CRYBG2: variants seen among roughly 807,000 people sequenced by gnomAD.
CRYBG2 encodes beta/gamma crystallin domain-containing protein 2.
A neutral mutation model predicts 153.4 loss-of-function variants in CRYBG2; 106 were observed. The ratio of observed to expected loss-of-function variants is 0.69; its 90% CI spans 0.59 to 0.81. The LOEUF (loss-of-function observed/expected upper bound fraction) is 0.81. Ranked by LOEUF, CRYBG2 falls within the 30% of genes least tolerant of loss-of-function variation. CRYBG2 has a pLI of 0.00. For synonymous variants in CRYBG2, 851 were observed against 877.8 expected, an observed-to-expected ratio of 0.97 and a Z score of 0.54; for missense variants, 1,996 against 2,112.0, an observed-to-expected ratio of 0.95 and a Z score of 1.08.
chr1:26,351,959 A>C (rs1262565853), intron 1 of CRYBG2, among the ~76,000 whole-genome samples: 1 of 151,994 alleles, frequency 6.6e-6, no homozygotes, highest in Non-Finnish European at 1.5e-5. Context: ...TTTCTTCTGC[A>C]GGGCCCCAGA....
intron 8 of CRYBG2, 114 bp downstream of exon 8, chr1:26,337,898 G>T: frequency 7.1e-7 from 1 of 1,413,546 alleles, no homozygotes; most frequent in Non-Finnish European, 9.6e-7. Flanking sequence ...CCCCCAGACC[G>T]TGCTTCTGGC....
chr1:26,347,093 T>C (rs1340528735), intron 1 of CRYBG2, among the ~76,000 whole-genome samples: 3 of 152,030 alleles, frequency 2.0e-5, no homozygotes, highest in Non-Finnish European at 4.4e-5. Flanking sequence ...AGCTGAAAAC[T>C]AGAAAGCCGA....
At position 26,338,416 on chromosome 1, in the gene CRYBG2, A is replaced by C. The variant is rs151324745; in HGVS notation, c.3406T>G (p.Tyr1136Asp). The change falls in exon 7 of 20, where the codon TAC (tyrosine) becomes GAC (aspartate). Residue 1136 changes from tyrosine (Y) to aspartate (D), a missense_variant. Physicochemically the swap from Tyr to Asp is radical, Grantham distance 160 (BLOSUM62 -3). Coordinates refer to ENST00000308182, the MANE Select transcript of CRYBG2 (RefSeq NM_001039775.4). ...GTGCCCCAGGCCTCTGAGGTGGGGT[A>C]CTCTCCAGGTTCCAGGATGTAGGGA... ...DTPYILEPGE[Y>D]PTSEAWGTSD... 1,222 of 1,613,340 alleles carry C rather than the reference A, an allele frequency of 7.6e-4. 16 individuals carry two copies. In the East Asian group the frequency reaches 0.017, roughly 22 times the overall value.
chr1:26,338,577 C>T lies in CRYBG2; in HGVS notation c.3345-100G>A, dbSNP rs140916157. ...GGTTTAGAGTGGAAAAGGAGGTTTTCTGGGGAGGTTCCCATCAGTCTCGTA... is the reference window on the plus strand; with the variant it reads ...GGTTTAGAGTGGAAAAGGAGGTTTTTTGGGGAGGTTCCCATCAGTCTCGTA... On this transcript the variant is annotated intron_variant, in intron 6 of 19. Transcript: ENST00000308182. 225 of 1,338,464 alleles carry T rather than the reference C, an allele frequency of 1.7e-4. No homozygotes were observed. In the African/African-American group the frequency reaches 2.9e-3, roughly 18 times the overall value. 82.9% of individuals were successfully genotyped at this position (1,338,464 alleles called of 1,614,324 possible).
intron 14 of CRYBG2, among the ~76,000 whole-genome samples, chr1:26,335,067 C>T (rs994763403): frequency 5.9e-5 from 9 of 151,960 alleles, no homozygotes; most frequent in Admixed American, 2.0e-4. Context: ...CTACCATTTG[C>T]CACTAAAAAG....
In CRYBG2 at chr1:26,336,678, C is replaced by A. The variant is rs1489165609; in HGVS notation, c.3966G>T (p.Lys1322Asn). ...GFSGEQYVLE[K>N]GVYRNCEDWG... ...AGTCCTCGCAGTTACGATACACGCC[C>A]TTCTCCAGCACGTACTGTTCCCCGG... The change falls in exon 12 of 20, where the codon AAG (lysine) becomes AAT (asparagine). Residue 1322 changes from lysine (K) to asparagine (N), a missense_variant. Transcript: ENST00000308182. This position sits in a 1 kb window ranked among gnomAD's most constrained non-coding sequence, Gnocchi z 4.9. The A allele has an allele frequency of 9.0e-6, 14 of 1,561,572 alleles. No homozygotes were observed. Among genetic ancestry groups the A allele is most frequent in the Non-Finnish European group, 1.2e-5 (14 of 1,152,606 alleles).
At chr1:26,353,809 T>C (rs1205304060) in intron 1 of CRYBG2, among the ~76,000 whole-genome samples, 4 of 152,132 alleles carry the variant, frequency 2.6e-5, no homozygotes, top group Non-Finnish European at 5.9e-5. Flanking sequence ...TGACAGACTT[T>C]CCCCTTTCTC....
At chr1:26,350,681 C>G (rs1204735910) in intron 1 of CRYBG2, among the ~76,000 whole-genome samples, 1 of 152,114 alleles carries the variant, frequency 6.6e-6, no homozygotes, top group African/African-American at 2.4e-5. Flanking sequence ...TACAGGGAGC[C>G]ATGTCAGTCC....
Position 26,345,040 on chromosome 1 carries a change from C to T in CRYBG2, c.1618G>A (p.Ala540Thr), listed in dbSNP as rs1326082331. The change falls in exon 2 of 20, where the codon GCC becomes ACC. Residue 540 changes from alanine to threonine, a missense_variant. Physicochemically the swap from Ala to Thr is moderately conservative, Grantham distance 58. Transcript: ENST00000308182. The stretch of plus-strand genomic sequence containing the variant: ...ACCTCTTTCCAGGTGGGAAATGAGG[C>T]ATCAGGAGCACCGGGGCCCTTCACG... ...EVVKGPGAPD[A>T]SFPTWKEVVK... 2 of 492,074 alleles carry T rather than the reference C, an allele frequency of 4.1e-6. No homozygotes were observed. Among genetic ancestry groups the T allele is most frequent in the African/African-American group, 7.4e-5 (2 of 27,030 alleles). 30.5% of individuals were successfully genotyped at this position (492,074 alleles called of 1,614,324 possible).
At chr1:26,333,120 G>C (rs1461372327) in intron 14 of CRYBG2, among the ~76,000 whole-genome samples, 1 of 146,234 alleles carries the variant, frequency 6.8e-6, no homozygotes, top group Non-Finnish European at 1.5e-5. Context: ...CTTTGGAACT[G>C]TTATAGGCTG....
At chr1:26,334,543 A>C (rs773982839) in intron 14 of CRYBG2, among the ~76,000 whole-genome samples, 3 of 152,262 alleles carry the variant, frequency 2.0e-5, no homozygotes, top group Non-Finnish European at 1.5e-5. Flanking sequence ...CCACACACAC[A>C]AAAGTATTAT....
In CRYBG2 at chr1:26,346,781, A is replaced by C. The variant is rs1570212526; in HGVS notation, c.-55-69T>G. On this transcript the variant is annotated intron_variant, in intron 1 of 19. Transcript: ENST00000308182. This position sits in a 1 kb window ranked among gnomAD's most constrained non-coding sequence, Gnocchi z 4.9. ...TGGCTTCCTAAAGTGCAGAATAACC[A>C]CCCCTACCCAAGTCAGGCTGGGAAC... 1 of 1,042,826 alleles carries C rather than the reference A, an allele frequency of 9.6e-7. No individual in the cohort carries two copies. The allele number at this position is 1,042,826 out of a possible 1,614,324, so 64.6% of individuals were successfully genotyped here. A position where few individuals can be genotyped will look rare whatever the true frequency, so the allele number is the denominator to read the frequency against.
At chr1:26,330,971 C>T (rs753762498) in intron 15 of CRYBG2, among the ~76,000 whole-genome samples, 2 of 152,204 alleles carry the variant, frequency 1.3e-5, no homozygotes, top group South Asian at 2.1e-4. Context: ...ATTGTGGCCC[C>T]GTCACTTCCA....
chr1:26,328,330 C>G lies in CRYBG2; in HGVS notation c.4457G>C (p.Trp1486Ser). Residue 1486 changes from tryptophan to serine, a missense_variant and splice_region_variant, in exon 17 of 20, where the codon TGG (tryptophan) becomes TCG (serine). Physicochemically the swap from Trp to Ser is radical, Grantham distance 177. Transcript: ENST00000308182. The part of the protein sequence containing the change: ...VLSVRIKGGI[W>S]VLCEHSDFRG... The stretch of plus-strand genomic sequence containing the variant: ...GAAGTCACTGTGTTCACATAGCACC[C>G]AACTGGGCCCAGCAGGTGTCAGGGA... 2 of 1,568,704 alleles carry G rather than the reference C, an allele frequency of 1.3e-6. No individual in the cohort carries two copies. The highest frequency in any genetic ancestry group is 2.3e-5 in the South Asian group (2 of 85,730).
chr1:26,349,443 G>A lies in CRYBG2; in HGVS notation c.-55-2731C>T, dbSNP rs541283120. 3.3e-5 allele frequency among the ~76,000 whole-genome samples: 5 copies of A among 152,252 alleles called. No homozygotes were observed. The East Asian group carries it at 7.7e-4, about 24-fold the overall frequency. ...CCACAGCTCTGGGGCATGTCCAGCT[G>A]CTCCTGTGATCATCCTCAGCAGAGC... On this transcript the variant is annotated intron_variant, in intron 1 of 19. Coordinates refer to ENST00000308182, the MANE Select transcript of CRYBG2 (RefSeq NM_001039775.4).
chr1:26,345,774 C>T lies in CRYBG2; in HGVS notation c.884G>A (p.Gly295Asp), dbSNP rs201302371. 2 of 1,596,926 alleles carry T rather than the reference C, an allele frequency of 1.3e-6. No homozygotes were observed. The highest frequency in any genetic ancestry group is 1.7e-6 in the Non-Finnish European group (2 of 1,179,162). Residue 295 changes from glycine (G) to aspartate (D), a missense_variant, in exon 2 of 20, where the codon GGC becomes GAC. Transcript: ENST00000308182. ...AGGCAGGTGAGCACTGGCTGGGATG[C>T]CTGTAGAGGCCAGGGCAGAGCTGTC... ...LKDSSALASTGIPASAHLPKN... is the reference protein window; with the variant it reads ...LKDSSALASTDIPASAHLPKN...
At chr1:26,342,996 G>C (rs2074150757) in intron 4 of CRYBG2, 51 bp downstream of exon 4, 1 of 1,535,574 alleles carries the variant, frequency 6.5e-7, no homozygotes, top group Non-Finnish European at 8.8e-7. Flanking sequence ...ACTCCCCTCT[G>C]CATCCCCCCA....
chr1:26,350,296 A>C (rs1442318544), intron 1 of CRYBG2, among the ~76,000 whole-genome samples: 1 of 152,146 alleles, frequency 6.6e-6, no homozygotes. Context: ...AACAGAAAAT[A>C]GACTAAGCTC....
intron 17 of CRYBG2, among the ~76,000 whole-genome samples, chr1:26,327,987 T>G (rs555267469): frequency 1.3e-5 from 2 of 152,158 alleles, no homozygotes; most frequent in South Asian, 4.1e-4. Context: ...AAAAAGCTTT[T>G]TTTAAGAAAT....
Sources: allele counts gnomAD v4.1 joint callset (sites outside exome capture counted in the v4.1 genomes callset), GRCh38; gene constraint gnomAD v4.1.1; non-coding constraint Gnocchi (gnomAD v3.1); transcripts MANE v1.5; gene names NCBI Gene and HGNC (gene_info 2026-07-23, HGNC 2026-07-21).